The following PIK3CA variants were observed in gnomAD, a reference collection of about 807,000 sequenced individuals.
PIK3CA encodes phosphatidylinositol 4,5-bisphosphate 3-kinase catalytic subunit alpha isoform.
In PIK3CA, 27 loss-of-function variants were observed where a neutral mutation model predicts 138.2. The ratio of observed to expected loss-of-function variants is 0.20; its 90% CI spans 0.14 to 0.27. The LOEUF (loss-of-function observed/expected upper bound fraction) is 0.27. Among genes scored for constraint, PIK3CA ranks in the 10% least tolerant of loss-of-function variants. The pLI is 1.00. For synonymous variants in PIK3CA, 358 were observed against 413.2 expected (o/e 0.87, Z 1.62); for missense variants, 544 against 1,277.4 (o/e 0.43, Z 8.75).
Position 179,196,491 on chromosome 3 carries a change from C to CA in PIK3CA, c.-76-2257dup. On this transcript the variant is annotated intron_variant, in intron 1 of 20. Coordinates refer to ENST00000263967, the MANE Select transcript of PIK3CA (RefSeq NM_006218.4). ...AATTTTTGACATGTAGGAAAAAGGA[C>CA]AATTATTTTAAATTCTATAATTTCA... is the stretch of plus-strand genomic sequence containing the variant. Among the ~76,000 whole-genome samples, 4 of 152,242 alleles carry CA rather than the reference C, an allele frequency of 2.6e-5. No homozygotes were observed. In the South Asian group the frequency reaches 8.3e-4, roughly 32 times the overall value.
intron 10 of PIK3CA, among the ~76,000 whole-genome samples, chr3:179,218,552 C>G (rs1724895065): frequency 6.6e-6 from 1 of 151,922 alleles, no homozygotes; most frequent in African/African-American, 2.4e-5. Context: ...ACATTAAATG[C>G]TTTTTCTTAC....
At chr3:179,150,129 GTCA>G (rs1462753785) in intron 1 of PIK3CA, among the ~76,000 whole-genome samples, 1 of 151,132 alleles carries the variant, frequency 6.6e-6, no homozygotes, top group Non-Finnish European at 1.5e-5. Context: ...GTTCTGCAGT[GTCA>G]TCAGCCAAAA....
intron 1 of PIK3CA, among the ~76,000 whole-genome samples, chr3:179,172,556 C>T (rs1203230549): frequency 6.7e-6 from 1 of 149,910 alleles, no homozygotes; most frequent in East Asian, 1.9e-4. Flanking sequence ...AGATAACAAA[C>T]AGGAATTAAT....
In PIK3CA at chr3:179,170,076, GCACA is replaced by G. The variant is rs60084117; in HGVS notation, c.-77+21493_-77+21496del. On this transcript the variant is annotated intron_variant, in intron 1 of 20. Transcript: ENST00000263967. ...CACATGCGCGTGCACACGCGCGCGC[GCACA>G]CACACACACACACACACACGACCTT... Among the ~76,000 whole-genome samples, 111 of 139,290 alleles carry G rather than the reference GCACA, an allele frequency of 8.0e-4. 6 individuals carry two copies. Among genetic ancestry groups the G allele is most frequent in the Middle Eastern group, 3.8e-3 (1 of 260 alleles). The allele number at this position is 139,290 out of a possible 152,430, so 91.4% of individuals were successfully genotyped here.
chr3:179,217,843 A>G (rs1724871735), intron 9 of PIK3CA, among the ~76,000 whole-genome samples: 3 of 152,074 alleles, frequency 2.0e-5, no homozygotes, highest in African/African-American at 7.2e-5. Flanking sequence ...CTTATTCTCT[A>G]TATCAAAAAC....
rs2108392564 is a variant in PIK3CA, at chr3:179,203,569, G to A, written c.839G>A (p.Gly280Glu). The A allele has an allele frequency of 6.2e-7, 1 of 1,613,814 alleles. No individual in the cohort carries two copies. The change falls in exon 5 of 21, where the codon GGG becomes GAG. Residue 280 changes from glycine to glutamate, a missense_variant. By Grantham distance (98) the Gly-to-Glu change is moderately conservative (BLOSUM62 -2). This residue lies in a region of PIK3CA where 234 missense variants were observed against 401.3 expected (regional missense o/e 0.58). Transcript: ENST00000263967. ...YKYIRSCIML[G>E]RMPNLMLMAK... The stretch of plus-strand genomic sequence containing the variant: ...TATATAAGAAGCTGTATAATGCTTG[G>A]GAGGATGCCCAATTTGATGTTGATG...
At chr3:179,186,519 TAATA>T (rs1723985772) in intron 1 of PIK3CA, among the ~76,000 whole-genome samples, 2 of 152,348 alleles carry the variant, frequency 1.3e-5, no homozygotes, top group Middle Eastern at 6.8e-3. Flanking sequence ...CTTTTTTCTT[TAATA>T]AATCCATCAA....
intron 6 of PIK3CA, among the ~76,000 whole-genome samples, chr3:179,208,579 T>C (rs1724627292): frequency 6.6e-6 from 1 of 152,202 alleles, no homozygotes; most frequent in African/African-American, 2.4e-5. Flanking sequence ...CCATACTCTT[T>C]ATCCATTGTT....
Position 179,229,003 on chromosome 3 carries a change from T to G in PIK3CA, c.2496-269T>G, listed in dbSNP as rs546488354. On this transcript the variant is annotated intron_variant, in intron 17 of 20. Coordinates refer to ENST00000263967, the MANE Select transcript of PIK3CA (RefSeq NM_006218.4). The stretch of plus-strand genomic sequence containing the variant: ...AAAATCATAAATGTTTGTAAAATTT[T>G]AATTGCCACAATAATTTTCTTAATT... Among the ~76,000 whole-genome samples the G allele has an allele frequency of 2.6e-5, 4 of 152,290 alleles. No individual in the cohort carries two copies. The East Asian group carries it at 7.7e-4, about 29-fold the overall frequency.
At chr3:179,187,503 A>T (rs1301069970) in intron 1 of PIK3CA, among the ~76,000 whole-genome samples, 1 of 124,040 alleles carries the variant, frequency 8.1e-6, no homozygotes, top group Non-Finnish European at 1.6e-5. Flanking sequence ...GCGCCACTGC[A>T]CTCCAGCCTG....
At chr3:179,158,667 T>C (rs1158149267) in intron 1 of PIK3CA, among the ~76,000 whole-genome samples, 1 of 151,966 alleles carries the variant, frequency 6.6e-6, no homozygotes, top group Non-Finnish European at 1.5e-5. Context: ...CTTTTGCATA[T>C]CATTGTTTGT....
At chr3:179,213,463 G>A (rs1361353096) in intron 9 of PIK3CA, among the ~76,000 whole-genome samples, 2 of 152,224 alleles carry the variant, frequency 1.3e-5, no homozygotes, top group Non-Finnish European at 2.9e-5. Flanking sequence ...TGCTGGTGGA[G>A]GGTCTTGCCT....
chr3:179,194,499 G>A (rs1055429618), intron 1 of PIK3CA, among the ~76,000 whole-genome samples: 1 of 152,152 alleles, frequency 6.6e-6, no homozygotes, highest in Non-Finnish European at 1.5e-5. Flanking sequence ...GATTACAGGT[G>A]TGAGCCACAA....
intron 1 of PIK3CA, among the ~76,000 whole-genome samples, chr3:179,151,765 A>G (rs560635397): frequency 1.3e-5 from 2 of 152,308 alleles, no homozygotes; most frequent in South Asian, 4.1e-4. Context: ...TTCCTGAGAC[A>G]TTTGAACACT....
chr3:179,156,165 G>C (rs1189711230), intron 1 of PIK3CA, among the ~76,000 whole-genome samples: 1 of 152,188 alleles, frequency 6.6e-6, no homozygotes, highest in Non-Finnish European at 1.5e-5. Context: ...AAAGGTCCTT[G>C]TGTGAAATTC....
intron 20 of PIK3CA, among the ~76,000 whole-genome samples, chr3:179,231,257 A>C (rs372625752): frequency 6.6e-6 from 1 of 152,176 alleles, no homozygotes; most frequent in African/African-American, 2.4e-5. Flanking sequence ...ATTGTGCTGC[A>C]GTAAACATAC....
At position 179,219,902 on chromosome 3, in the gene PIK3CA, C is replaced by T. The variant is rs202242187; in HGVS notation, c.1912-47C>T. 160 of 1,587,594 alleles carry T rather than the reference C, an allele frequency of 1.0e-4. No homozygotes were observed. Among genetic ancestry groups the T allele is most frequent in the Admixed American group, 1.3e-4 (7 of 52,464 alleles). ...CTTTCTGAAAAAATTTTCTTTAGAT[C>T]GGCCATGCAGAAACTGACCCTGATT... On this transcript the variant is annotated intron_variant, in intron 12 of 20. Coordinates refer to ENST00000263967, the MANE Select transcript of PIK3CA (RefSeq NM_006218.4). This position sits in a 1 kb window ranked among gnomAD's most constrained non-coding sequence, Gnocchi z 4.2.
At chr3:179,231,386 T>C (rs943186767) in intron 20 of PIK3CA, among the ~76,000 whole-genome samples, 4 of 152,132 alleles carry the variant, frequency 2.6e-5, no homozygotes, top group African/African-American at 7.2e-5. Flanking sequence ...CTGTTTTCCA[T>C]AGAGGCTGTA....
At chr3:179,196,614 G>C (rs539833624) in intron 1 of PIK3CA, among the ~76,000 whole-genome samples, 107 of 152,048 alleles carry the variant, frequency 7.0e-4, no homozygotes, top group African/African-American at 2.3e-3. Flanking sequence ...CTGTATTTTC[G>C]TGGGGGCTAA....
Sources: allele counts gnomAD v4.1 joint callset (sites outside exome capture counted in the v4.1 genomes callset), GRCh38; gene constraint gnomAD v4.1.1; regional missense constraint gnomAD v4.1.1; non-coding constraint Gnocchi (gnomAD v3.1); transcripts MANE v1.5; gene names NCBI Gene and HGNC (gene_info 2026-07-23, HGNC 2026-07-21).